Variants in SEMA3A observed in about 807,000 individuals in gnomAD.
SEMA3A encodes semaphorin 3A, also known as semaphorin-3A.
Under a neutral mutation model 97.9 loss-of-function variants are expected in SEMA3A, and 29 were observed. That is an observed-to-expected ratio of 0.30 (90% CI 0.22 to 0.40). SEMA3A has a LOEUF of 0.40. Among genes scored for constraint, SEMA3A ranks in the 10% least tolerant of loss-of-function variants. The pLI is 1.00. For missense variants in SEMA3A, 763 were observed against 951.3 expected (o/e 0.80, Z 2.60); for synonymous variants, 321 against 323.7 (o/e 0.99, Z 0.09).
chr7:84,345,476 T>C (rs1802276449), intron 2 of SEMA3A, among the ~76,000 whole-genome samples: 1 of 152,212 alleles, frequency 6.6e-6, no homozygotes, highest in East Asian at 1.9e-4. Flanking sequence ...GATAGCACTT[T>C]ACACACAGTA....
intron 3 of SEMA3A, among the ~76,000 whole-genome samples, chr7:84,262,301 A>T (rs1008375498): frequency 6.6e-6 from 1 of 151,764 alleles, no homozygotes; most frequent in African/African-American, 2.4e-5. Context: ...TGTAACCTCC[A>T]CCTCCCAGGT....
rs988765448 is a variant in SEMA3A at position 84,350,263 on chromosome 7, A to G, written c.-169+21561T>C. ...ACATCTCCTCCTTTACTGTGGCCCAACACACTTCCCAATAACTTCTCGTGG... is the reference window on the plus strand; with the variant it reads ...ACATCTCCTCCTTTACTGTGGCCCAGCACACTTCCCAATAACTTCTCGTGG... On this transcript the variant is annotated intron_variant, in intron 2 of 3. Transcript: ENST00000424555. 2.6e-5 allele frequency among the ~76,000 whole-genome samples: 4 copies of G among 152,172 alleles called. No individual in the cohort carries two copies. The South Asian group carries it at 8.3e-4, about 32-fold the overall frequency.
intron 1 of SEMA3A, among the ~76,000 whole-genome samples, chr7:84,407,679 C>T (rs1441862130): frequency 6.6e-6 from 1 of 152,034 alleles, no homozygotes; most frequent in Non-Finnish European, 1.5e-5. Context: ...CAGCATGGTA[C>T]TGGTACCAAA....
Position 84,063,328 on chromosome 7 carries a change from A to G in SEMA3A, c.454-2770T>C, listed in dbSNP as rs1394313909. On this transcript the variant is annotated intron_variant, in intron 4 of 16. Coordinates refer to ENST00000265362, the MANE Select transcript of SEMA3A (RefSeq NM_006080.3). ...ACCACAAAGATGGGGAAAAAACAGA[A>G]CAGAAAAACTGGAAACTCTAAAAAG... Among the ~76,000 whole-genome samples the G allele has an allele frequency of 7.9e-4, 117 of 147,256 alleles. 1 individual carries two copies. The highest frequency in any genetic ancestry group is 1.0e-3 in the Admixed American group (15 of 14,818).
intron 1 of SEMA3A, among the ~76,000 whole-genome samples, chr7:84,463,335 GC>G (rs1805907893): frequency 1.5e-5 from 2 of 131,506 alleles, no homozygotes. Context: ...TGCAACCTCC[GC>G]CTCCCGGGTT....
chr7:84,437,959 T>C lies in SEMA3A; in HGVS notation c.-246+54501A>G, dbSNP rs567335715. ...TTTAAAAAACCTAAAACAAGTTTTA[T>C]TTTTACAGAACATGAAACTTGCTGG... On this transcript the variant is annotated intron_variant, in intron 1 of 3. Transcript: ENST00000424555. 5.3e-5 allele frequency among the ~76,000 whole-genome samples: 8 copies of C among 152,178 alleles called. No homozygotes were observed. The South Asian group carries it at 1.4e-3, about 28-fold the overall frequency.
intron 1 of SEMA3A, among the ~76,000 whole-genome samples, chr7:84,444,982 G>A (rs2116349467): frequency 6.6e-6 from 1 of 152,176 alleles, no homozygotes; most frequent in Admixed American, 6.5e-5. Context: ...TCAATTTTAG[G>A]AGGATTCATG....
intron 3 of SEMA3A, among the ~76,000 whole-genome samples, chr7:84,250,127 T>C (rs1413007341): frequency 6.6e-6 from 1 of 152,096 alleles, no homozygotes; most frequent in African/African-American, 2.4e-5. Flanking sequence ...ATATAAACTA[T>C]ACTGGTGTGT....
At chr7:84,203,238 C>T (rs762759104) in intron 3 of SEMA3A, among the ~76,000 whole-genome samples, 40 of 151,892 alleles carry the variant, frequency 2.6e-4, no homozygotes, top group Admixed American at 1.2e-3. Context: ...TATGTTTCTA[C>T]GGTGTTGAGT....
At chr7:84,062,459 G>A (rs1282426358) in intron 4 of SEMA3A, among the ~76,000 whole-genome samples, 1 of 152,212 alleles carries the variant, frequency 6.6e-6, no homozygotes, top group African/African-American at 2.4e-5. Flanking sequence ...ACGGCTCCCA[G>A]AGTGAGCGAC....
At chr7:84,177,286 T>C (rs1370775003) in intron 1 of SEMA3A, among the ~76,000 whole-genome samples, 1 of 152,082 alleles carries the variant, frequency 6.6e-6, no homozygotes, top group African/African-American at 2.4e-5. Context: ...CACATTATAA[T>C]AAAGCAACAT....
chr7:84,111,975 G>C (rs1399392057), intron 3 of SEMA3A, among the ~76,000 whole-genome samples: 4 of 152,132 alleles, frequency 2.6e-5, no homozygotes, highest in Non-Finnish European at 5.9e-5. Context: ...TCTCCATTCT[G>C]TAAGAGTCTC....
intron 2 of SEMA3A, among the ~76,000 whole-genome samples, chr7:84,350,170 TTTAGA>T (rs1303139890): frequency 3.9e-5 from 6 of 152,164 alleles, no homozygotes; most frequent in Admixed American, 6.6e-5. Flanking sequence ...ACCTCTATTG[TTTAGA>T]TTAAATGTTT....
chr7:84,391,980 A>G (rs1413702755), intron 1 of SEMA3A, among the ~76,000 whole-genome samples: 2 of 151,842 alleles, frequency 1.3e-5, no homozygotes, highest in African/African-American at 2.4e-5. Context: ...AAATCTATTG[A>G]AAAATTTTAG....
At chr7:84,397,813 T>C (rs1803777988) in intron 1 of SEMA3A, among the ~76,000 whole-genome samples, 1 of 152,138 alleles carries the variant, frequency 6.6e-6, no homozygotes, top group South Asian at 2.1e-4. Flanking sequence ...TCTACCTATA[T>C]GGACTTTAGT....
chr7:84,196,031 A>C (rs1798219870), upstream of SEMA3A, among the ~76,000 whole-genome samples: 1 of 152,118 alleles, frequency 6.6e-6, no homozygotes, highest in Admixed American at 6.5e-5. Context: ...TATTTTTACA[A>C]GAATCTTTAG....
chr7:84,456,312 G>C (rs1365496028), intron 1 of SEMA3A, among the ~76,000 whole-genome samples: 7 of 151,806 alleles, frequency 4.6e-5, no homozygotes, highest in Non-Finnish European at 8.9e-5. Flanking sequence ...TCTTAATATG[G>C]TAAAATCTGT....
At chr7:84,229,096 A>G (rs1371502356) in intron 3 of SEMA3A, among the ~76,000 whole-genome samples, 1 of 152,076 alleles carries the variant, frequency 6.6e-6, no homozygotes, top group African/African-American at 2.4e-5. Context: ...ACTCACACTA[A>G]AAGTGGCTGA....
intron 1 of SEMA3A, among the ~76,000 whole-genome samples, chr7:84,423,990 C>T (rs1804673283): frequency 1.3e-5 from 2 of 151,708 alleles, no homozygotes; most frequent in African/African-American, 4.8e-5. Context: ...AAATCAAAAA[C>T]AATAGATGTT....
Sources: allele counts gnomAD v4.1 joint callset (sites outside exome capture counted in the v4.1 genomes callset), GRCh38; gene constraint gnomAD v4.1.1; transcripts MANE v1.5; gene names NCBI Gene and HGNC (gene_info 2026-07-23, HGNC 2026-07-21).